The following PEMT variants were observed in gnomAD, a reference collection of about 807,000 sequenced individuals.
The protein encoded by PEMT is phospholipid methyltransferase.
In PEMT, 23 loss-of-function variants were observed where a neutral mutation model predicts 27.4. The observed-to-expected ratio is 0.84, with a 90% confidence interval of 0.60 to 1.19. The LOEUF is 1.19. PEMT is among the 50% of genes most tolerant of loss of function. PEMT has a pLI of 0.00. For synonymous variants in PEMT, 137 were observed against 139.1 expected (o/e 0.98, Z 0.11); for missense variants, 307 against 310.1 (o/e 0.99, Z 0.07).
intron 1 of PEMT, among the ~76,000 whole-genome samples, chr17:17,586,216 A>AGAAGAAAG (rs1912249915): frequency 1.3e-5 from 1 of 79,310 alleles, no homozygotes; most frequent in Non-Finnish European, 2.5e-5. Flanking sequence ...GAAAGAAAGA[A>AGAAGAAAG]AAAGAAAGAA....
chr17:17,508,452 T>TG (rs765554692), intron 5 of PEMT: 9 of 220,466 alleles, frequency 4.1e-5, no homozygotes, highest in Non-Finnish European at 8.2e-5. Context: ...CGGTCCCAAC[T>TG]GCTGAAGGTG....
chr17:17,517,708 G>A (rs924286658), intron 3 of PEMT, among the ~76,000 whole-genome samples: 1 of 152,226 alleles, frequency 6.6e-6, no homozygotes, highest in Non-Finnish European at 1.5e-5. Flanking sequence ...GTCCCACAGG[G>A]TTGCACCTGC....
intron 2 of PEMT, among the ~76,000 whole-genome samples, chr17:17,560,057 C>T (rs1455014035): frequency 2.0e-5 from 3 of 151,726 alleles, no homozygotes; most frequent in African/African-American, 7.2e-5. Flanking sequence ...CACGGCCTGA[C>T]CTGGCCAGAA....
intron 2 of PEMT, among the ~76,000 whole-genome samples, chr17:17,557,122 C>T (rs927498526): frequency 3.9e-5 from 6 of 152,154 alleles, no homozygotes; most frequent in Non-Finnish European, 7.4e-5. Context: ...TGGCTTTTCC[C>T]CCGGAGCCTC....
Position 17,558,693 on chromosome 17 carries a change from A to AAC in PEMT, c.204+18226_204+18227insGT, listed in dbSNP as rs1555543047. On this transcript the variant is annotated intron_variant, in intron 2 of 6. Transcript: ENST00000255389. The stretch of plus-strand genomic sequence containing the variant: ...AGAACCAGTCTCACGAAAAAAAAAA[A>AAC]AAAAAACAAAAAGAAAGGGCAGCAG... Among the ~76,000 whole-genome samples the AAC allele has an allele frequency of 1.0e-3, 131 of 127,646 alleles. 2 individuals are homozygous for AAC. Among genetic ancestry groups the AAC allele is most frequent in the Middle Eastern group, 4.4e-3 (1 of 228 alleles). 83.7% of individuals were successfully genotyped at this position (127,646 alleles called of 152,430 possible). A position where few individuals can be genotyped will look rare whatever the true frequency, so the allele number is the denominator to read the frequency against.
intron 3 of PEMT, among the ~76,000 whole-genome samples, chr17:17,520,479 C>A (rs1907183378): frequency 6.6e-6 from 1 of 152,236 alleles, no homozygotes; most frequent in Non-Finnish European, 1.5e-5. Flanking sequence ...TTGCTTCTTT[C>A]CAAGCCTCAC....
In PEMT at chr17:17,505,932, T is replaced by G. The variant is rs1597861688; in HGVS notation, c.654-84A>C. 2.0e-6 allele frequency: 3 copies of G among 1,490,240 alleles called. No homozygotes were observed. The East Asian group carries it at 7.3e-5, about 36-fold the overall frequency. 92.3% of individuals were successfully genotyped at this position (1,490,240 alleles called of 1,614,324 possible). A position where few individuals can be genotyped will look rare whatever the true frequency, so the allele number is the denominator to read the frequency against. On this transcript the variant is annotated intron_variant, in intron 6 of 6. Coordinates refer to ENST00000255389, the MANE Select transcript of PEMT (RefSeq NM_148172.3). ...CACCAGAGCTCTGCGTCCATCAGCT[T>G]GAGGGTGTCCAGATGGGACCGGGAT...
intron 3 of PEMT, among the ~76,000 whole-genome samples, chr17:17,518,448 C>G (rs563326885): frequency 1.3e-5 from 2 of 152,362 alleles, no homozygotes; most frequent in African/African-American, 4.8e-5. Context: ...TCACACTCCA[C>G]AGCCAGAGCA....
chr17:17,591,779 C>T (rs772188418), upstream of PEMT: 73 of 1,430,580 alleles, frequency 5.1e-5, no homozygotes, highest in Non-Finnish European at 6.3e-5. Flanking sequence ...AGTTCCCCGT[C>T]ACCGCGAAGT....
chr17:17,548,268 G>A (rs553968349), intron 2 of PEMT, among the ~76,000 whole-genome samples: 56 of 152,378 alleles, frequency 3.7e-4, no homozygotes, highest in African/African-American at 1.3e-3. Context: ...TGAATGCCCT[G>A]GGCTGGGTAG....
At chr17:17,544,282 T>C (rs1184311620) in intron 2 of PEMT, among the ~76,000 whole-genome samples, 4 of 144,210 alleles carry the variant, frequency 2.8e-5, no homozygotes, top group African/African-American at 9.8e-5. Flanking sequence ...TCTTTTTCTT[T>C]TCTTTTTTTT....
chr17:17,516,075 G>C (rs1007918294), intron 3 of PEMT, among the ~76,000 whole-genome samples: 1 of 151,934 alleles, frequency 6.6e-6, no homozygotes, highest in East Asian at 1.9e-4. Context: ...ATCTGCAGCC[G>C]ACCAGAAACA....
chr17:17,584,093 C>T (rs567919681), intron 1 of PEMT, among the ~76,000 whole-genome samples: 3 of 152,314 alleles, frequency 2.0e-5, no homozygotes, highest in Admixed American at 6.5e-5. Context: ...CAAGGCCCTG[C>T]TCGCCTCCAC....
intron 2 of PEMT, among the ~76,000 whole-genome samples, chr17:17,552,555 G>C (rs1054161739): frequency 2.6e-5 from 4 of 152,224 alleles, no homozygotes; most frequent in Non-Finnish European, 4.4e-5. Context: ...CCATCAGGGC[G>C]GTGGGGAGTC....
At chr17:17,551,464 C>T (rs904576132) in intron 2 of PEMT, among the ~76,000 whole-genome samples, 10 of 152,210 alleles carry the variant, frequency 6.6e-5, no homozygotes, top group Admixed American at 2.0e-4. Flanking sequence ...GAGAAGCTGG[C>T]GCGGGCTTGC....
chr17:17,588,404 T>C (rs1412777780), intron 1 of PEMT, among the ~76,000 whole-genome samples: 2 of 152,152 alleles, frequency 1.3e-5, no homozygotes, highest in Non-Finnish European at 2.9e-5. Flanking sequence ...GTGCCCATAT[T>C]ACACACAGGG....
In PEMT at chr17:17,582,531, C is replaced by A; in HGVS notation, c.97-5504G>T. 1 of 536,690 alleles carries A rather than the reference C, an allele frequency of 1.9e-6. No homozygotes were observed. The highest frequency in any genetic ancestry group is 2.4e-6 in the Non-Finnish European group (1 of 420,170). 33.2% of individuals were successfully genotyped at this position (536,690 alleles called of 1,614,324 possible). On this transcript the variant is annotated intron_variant, in intron 1 of 6. Transcript: ENST00000255389. The surrounding 1 kb of genome is among the most constrained non-coding windows in gnomAD (Gnocchi z 4.9). ...CATCGATTCCAGGCCACACACCACA[C>A]ACAACAAAGGGCAGGGGAATGGGTG... is the stretch of plus-strand genomic sequence containing the variant.
At chr17:17,528,097 C>G (rs117947430) in intron 2 of PEMT, among the ~76,000 whole-genome samples, 1 of 152,252 alleles carries the variant, frequency 6.6e-6, no homozygotes, top group African/African-American at 2.4e-5. Context: ...CGAGCTTTGC[C>G]AAGGGCCCAC....
intron 2 of PEMT, among the ~76,000 whole-genome samples, chr17:17,553,669 C>T (rs959812503): frequency 2.6e-5 from 4 of 152,232 alleles, no homozygotes; most frequent in African/African-American, 9.6e-5. Flanking sequence ...CACGCGTGGC[C>T]TTCTCGCAGG....
Sources: allele counts gnomAD v4.1 joint callset (sites outside exome capture counted in the v4.1 genomes callset), GRCh38; gene constraint gnomAD v4.1.1; non-coding constraint Gnocchi (gnomAD v3.1); transcripts MANE v1.5; gene names NCBI Gene and HGNC (gene_info 2026-07-23, HGNC 2026-07-21).